The following STK16 variants were observed in gnomAD, a reference collection of about 807,000 sequenced individuals.
STK16 encodes serine/threonine kinase 16.
STK16 carries 28 observed loss-of-function variants against 37.8 expected under a neutral mutation model. The observed-to-expected ratio is 0.74, with a 90% CI of 0.55 to 1.02. The LOEUF (loss-of-function observed/expected upper bound fraction) is 1.02, where lower values mean the gene tolerates loss of function less well. Among genes scored for constraint, STK16 ranks in the 50% least tolerant of loss-of-function variants. The probability of loss-of-function intolerance (pLI) is 0.00; values close to 1 mark genes in which losing one functional copy is unlikely to be tolerated. For synonymous variants in STK16, 134 were observed against 155.0 expected, an observed-to-expected ratio of 0.86 and a Z score of 1.01; for missense variants, 349 against 390.6, an observed-to-expected ratio of 0.89 and a Z score of 0.90.
Position 219,246,620 on chromosome 2 carries a change from A to G in STK16, c.87-37A>G. 2.6e-6 allele frequency: 4 copies of G among 1,560,886 alleles called. No individual in the cohort carries two copies. The highest frequency in any genetic ancestry group is 3.5e-6 in the Non-Finnish European group (4 of 1,132,134). ...TCTCTAGGTCCAAGCCATGTGGGAG[A>G]TGACCATGGCCCTTTATTGACCCCT... is the stretch of plus-strand genomic sequence containing the variant. On this transcript the variant is annotated intron_variant, in intron 2 of 7. Transcript: ENST00000396738. The surrounding 1 kb of genome is among the most constrained non-coding windows in gnomAD (Gnocchi z 4.5).
In STK16 at chr2:219,248,195, C is replaced by T. The variant is rs373943605; in HGVS notation, c.660C>T (p.Ser220=). 1 of 1,613,982 alleles carries T rather than the reference C, an allele frequency of 6.2e-7. No homozygotes were observed. Among genetic ancestry groups the T allele is most frequent in the Non-Finnish European group, 8.5e-7 (1 of 1,180,012 alleles). The change falls in exon 7 of 8, where the codon TCC becomes TCT. Residue 220 remains serine, a splice_region_variant and synonymous_variant. Coordinates refer to ENST00000396738, the MANE Select transcript of STK16 (RefSeq NM_001330213.2). ...GGGACTAATCAAGTTATGCTCAGTC[C>T]CTAGGCTGCGTGCTATATGCCATGA... ...CVIDERTDVW[S]LGCVLYAMMF... is the part of the protein sequence containing the mutation.
At position 219,246,375 on chromosome 2, in the gene STK16, C is replaced by T. The variant is rs765234397; in HGVS notation, c.87-282C>T. On this transcript the variant is annotated intron_variant, in intron 2 of 7. Coordinates refer to ENST00000396738, the MANE Select transcript of STK16 (RefSeq NM_001330213.2). This position sits in a 1 kb window ranked among gnomAD's most constrained non-coding sequence, Gnocchi z 4.5. ...GAGATAATGTGTATAAAATGTCTCA[C>T]CCAATGCGGGGTTGACAAGTACTTG... is the stretch of plus-strand genomic sequence containing the variant. The T allele has an allele frequency of 6.6e-6, 4 of 609,220 alleles. No individual in the cohort carries two copies. The highest frequency in any genetic ancestry group is 1.2e-5 in the Non-Finnish European group (4 of 334,220). 37.7% of individuals were successfully genotyped at this position (609,220 alleles called of 1,614,324 possible). A position where few individuals can be genotyped will look rare whatever the true frequency, so the allele number is the denominator to read the frequency against.
In STK16 at chr2:219,250,278, A is replaced by G; in HGVS notation, c.*1719A>G. On this transcript the variant is annotated 3_prime_UTR_variant, in exon 8 of 8. Transcript: ENST00000396738. This position sits in a 1 kb window ranked among gnomAD's most constrained non-coding sequence, Gnocchi z 8.4. Reference sequence around the variant, plus strand: ...AGCTCAAGCACTCAGAGGGAACAAGAAACCGTGCAAGGAAACTGTTTATTT... The same window carrying G: ...AGCTCAAGCACTCAGAGGGAACAAGGAACCGTGCAAGGAAACTGTTTATTT... The G allele has an allele frequency of 6.5e-7, 1 of 1,539,622 alleles. No individual in the cohort carries two copies. The highest frequency in any genetic ancestry group is 1.3e-5 in the South Asian group (1 of 78,536).
At position 219,249,260 on chromosome 2, in the gene STK16, A is replaced by T. The variant is rs1951603671; in HGVS notation, c.*701A>T. The stretch of plus-strand genomic sequence containing the variant: ...GAGACACCTGAGGAAGCTTTGAGAC[A>T]GGTAGATTACAGGTCTCCCATCCTC... On this transcript the variant is annotated 3_prime_UTR_variant, in exon 8 of 8. Coordinates refer to ENST00000396738, the MANE Select transcript of STK16 (RefSeq NM_001330213.2). 1 of 152,280 alleles carries T rather than the reference A, an allele frequency of 6.6e-6. No homozygotes were observed. The highest frequency in any genetic ancestry group is 2.1e-4 in the South Asian group (1 of 4,834). The allele number at this position is 152,280 out of a possible 1,614,324, so 9.4% of individuals were successfully genotyped here.
In STK16 at chr2:219,250,237, AG is replaced by A. The variant is rs1394210846; in HGVS notation, c.*1682del. ...AGCAAACAGAGCAGCAGCAGCATGA[AG>A]GGGAAGGCAGCAGAAGCTCAAGCAC... On this transcript the variant is annotated 3_prime_UTR_variant, in exon 8 of 8. Coordinates refer to ENST00000396738, the MANE Select transcript of STK16 (RefSeq NM_001330213.2). The surrounding 1 kb of genome is among the most constrained non-coding windows in gnomAD (Gnocchi z 8.4). 6 of 1,411,246 alleles carry A rather than the reference AG, an allele frequency of 4.3e-6. No homozygotes were observed. The highest frequency in any genetic ancestry group is 5.8e-6 in the Non-Finnish European group (6 of 1,035,318). The allele number at this position is 1,411,246 out of a possible 1,614,324, so 87.4% of individuals were successfully genotyped here. A position where few individuals can be genotyped will look rare whatever the true frequency, so the allele number is the denominator to read the frequency against.
At position 219,248,324 on chromosome 2, in the gene STK16, C is replaced by T; in HGVS notation, c.779+10C>T. 1.2e-6 allele frequency: 2 copies of T among 1,614,028 alleles called. No individual in the cohort carries two copies. The highest frequency in any genetic ancestry group is 1.7e-6 in the Non-Finnish European group (2 of 1,179,958). ...TCCCACAAAGCCCCAGGTGAGTGAG[C>T]AACGAATAGGGCATCAAGTGTTTCA... On this transcript the variant is annotated intron_variant, in intron 7 of 7. Transcript: ENST00000396738.
intron 6 of STK16, 174 bp from the exon 7 acceptor site, chr2:219,248,019 C>A: frequency 1.0e-6 from 1 of 999,924 alleles, no homozygotes; most frequent in Non-Finnish European, 1.5e-6. Context: ...CTAAGCTAAA[C>A]AGGGGCTGCG....
chr2:219,246,034 C>T lies in STK16; in HGVS notation c.35C>T (p.Thr12Ile). The change falls in exon 2 of 8, where the codon ACT becomes ATT. Residue 12 changes from threonine (T) to isoleucine (I), a missense_variant. By Grantham distance (89) the Thr-to-Ile change is moderately conservative. Coordinates refer to ENST00000396738, the MANE Select transcript of STK16 (RefSeq NM_001330213.2). The surrounding 1 kb of genome is among the most constrained non-coding windows in gnomAD (Gnocchi z 4.5). The part of the protein sequence containing the change: ...GHALCVCSRG[T>I]VIIDNKRYLF... ...GCGCTGTGTGTCTGCTCTCGGGGAA[C>T]TGTCATCATTGACAATAAGCGCTAC... 1 of 1,614,062 alleles carries T rather than the reference C, an allele frequency of 6.2e-7. No homozygotes were observed.
In STK16 at chr2:219,248,517, G is replaced by A. The variant is rs779426977; in HGVS notation, c.876G>A (p.Ala292=). ...CTCTCCTCCTCAGTCAGCTGGAGGC[G>A]CTTCAGCCCCCAGCTCCTGGCCAAC... ...HIPLLLSQLE[A]LQPPAPGQHT... is the part of the protein sequence containing the mutation. Residue 292 remains alanine, a synonymous_variant, in exon 8 of 8, where the codon GCG becomes GCA. Coordinates refer to ENST00000396738, the MANE Select transcript of STK16 (RefSeq NM_001330213.2). The A allele has an allele frequency of 9.3e-6, 15 of 1,613,882 alleles. No homozygotes were observed. In the East Asian group the frequency reaches 1.3e-4, roughly 14 times the overall value.
rs957818620 is a variant in STK16 at position 219,246,356 on chromosome 2, A to T, written c.86+271A>T. On this transcript the variant is annotated intron_variant, in intron 2 of 7. Transcript: ENST00000396738. This position sits in a 1 kb window ranked among gnomAD's most constrained non-coding sequence, Gnocchi z 4.5. ...GGAGTTGTGAGGATTAAATGAGATAATGTGTATAAAATGTCTCACCCAATG... is the reference window on the plus strand; with the variant it reads ...GGAGTTGTGAGGATTAAATGAGATATTGTGTATAAAATGTCTCACCCAATG... 6 of 606,804 alleles carry T rather than the reference A, an allele frequency of 9.9e-6. No individual in the cohort carries two copies. Among genetic ancestry groups the T allele is most frequent in the African/African-American group, 9.3e-5 (5 of 53,806 alleles). The allele number at this position is 606,804 out of a possible 1,614,324, so 37.6% of individuals were successfully genotyped here.
intron 3 of STK16, 101 bp from the exon 4 acceptor site, chr2:219,247,012 T>A: frequency 6.4e-7 from 1 of 1,562,708 alleles, no homozygotes; most frequent in South Asian, 1.2e-5. Context: ...TTGAGGTGTG[T>A]ATCATGAAAG....
In STK16 at chr2:219,248,666, T is replaced by C. The variant is rs1249990347; in HGVS notation, c.*107T>C. The C allele has an allele frequency of 1.4e-6, 2 of 1,414,756 alleles. No homozygotes were observed. The highest frequency in any genetic ancestry group is 1.9e-6 in the Non-Finnish European group (2 of 1,043,648). 87.6% of individuals were successfully genotyped at this position (1,414,756 alleles called of 1,614,324 possible). A position where few individuals can be genotyped will look rare whatever the true frequency, so the allele number is the denominator to read the frequency against. On this transcript the variant is annotated 3_prime_UTR_variant, in exon 8 of 8. Coordinates refer to ENST00000396738, the MANE Select transcript of STK16 (RefSeq NM_001330213.2). ...CCAGGACTTCTCTTACACTTGGGGG[T>C]AGCGGGGTCAGGACAATCATCTCAG... is the stretch of plus-strand genomic sequence containing the variant.
At position 219,247,181 on chromosome 2, in the gene STK16, C is replaced by T. The variant is rs2125065775; in HGVS notation, c.375C>T (p.Ile125=). 1.2e-6 allele frequency: 2 copies of T among 1,614,238 alleles called. No individual in the cohort carries two copies. The highest frequency in any genetic ancestry group is 1.6e-4 in the Middle Eastern group (1 of 6,062). ...DKGNFLTEDQ[I]LWLLLGICRG... is the part of the protein sequence containing the mutation. ...GCAACTTCCTGACCGAGGATCAAATCCTTTGGCTGCTGCTGGGGATCTGCA... is the reference window on the plus strand; with the variant it reads ...GCAACTTCCTGACCGAGGATCAAATTCTTTGGCTGCTGCTGGGGATCTGCA... Residue 125 remains isoleucine (I), a synonymous_variant, in exon 4 of 8, where the codon ATC becomes ATT. Transcript: ENST00000396738.
rs760091706 is a variant in STK16 at position 219,246,086 on chromosome 2, G to A, written c.86+1G>A. The stretch of plus-strand genomic sequence containing the variant: ...TCTTCATCCAGAAACTGGGGGAGGG[G>A]TGAGTGTTTGGAAGTCAGTTAACTA... On this transcript the variant is annotated splice_donor_variant, in intron 2 of 7. Coordinates refer to ENST00000396738, the MANE Select transcript of STK16 (RefSeq NM_001330213.2). LOFTEE classifies it high-confidence loss of function. This position sits in a 1 kb window ranked among gnomAD's most constrained non-coding sequence, Gnocchi z 4.5. The A allele has an allele frequency of 1.2e-6, 2 of 1,613,636 alleles. No homozygotes were observed. The highest frequency in any genetic ancestry group is 1.7e-6 in the Non-Finnish European group (2 of 1,179,738).
At chr2:219,247,089 A>G in intron 3 of STK16, 24 bp from the exon 4 acceptor site, 2 of 1,614,036 alleles carry the variant, frequency 1.2e-6, no homozygotes, top group South Asian at 1.1e-5. Context: ...AACATCTCCA[A>G]CTGTAGGGAA....
chr2:219,248,380 G>A (rs1309434008), intron 7 of STK16, 41 bp from the exon 8 acceptor site: 5 of 1,612,674 alleles, frequency 3.1e-6, no homozygotes, highest in Non-Finnish European at 3.4e-6. Context: ...TGAGTTGACA[G>A]ATAGGTGTCA....
At position 219,248,417 on chromosome 2, in the gene STK16, A is replaced by G. The variant is rs1427467420; in HGVS notation, c.780-4A>G. On this transcript the variant is annotated splice_region_variant and splice_polypyrimidine_tract_variant and intron_variant, in intron 7 of 7. Coordinates refer to ENST00000396738, the MANE Select transcript of STK16 (RefSeq NM_001330213.2). The stretch of plus-strand genomic sequence containing the variant: ...CCGGTCACCCTGGGCTCCTCCCTCC[A>G]CAGGCATTCTTCAGCATTGCGGCAG... 6 of 1,613,696 alleles carry G rather than the reference A, an allele frequency of 3.7e-6. No individual in the cohort carries two copies. Among genetic ancestry groups the G allele is most frequent in the Non-Finnish European group, 5.1e-6 (6 of 1,179,712 alleles).
At chr2:219,248,156 C>T (rs540006898) in intron 6 of STK16, 37 bp from the exon 7 acceptor site, 1 of 1,612,174 alleles carries the variant, frequency 6.2e-7, no homozygotes, top group East Asian at 2.2e-5. Flanking sequence ...GTCACCTCCA[C>T]TGGTCCCCTT....
At position 219,247,106 on chromosome 2, in the gene STK16, G is replaced by A. The variant is rs545891341; in HGVS notation, c.307-7G>A. 9.9e-6 allele frequency: 16 copies of A among 1,614,062 alleles called. No homozygotes were observed. The highest frequency in any genetic ancestry group is 1.3e-5 in the Non-Finnish European group (15 of 1,180,024). On this transcript the variant is annotated splice_polypyrimidine_tract_variant and splice_region_variant and intron_variant, in intron 3 of 7. Coordinates refer to ENST00000396738, the MANE Select transcript of STK16 (RefSeq NM_001330213.2). ...CATCTCCAACTGTAGGGAAACTTGTGTTGCAGAGAGGTACGCTGTGGAATG... is the reference window on the plus strand; with the variant it reads ...CATCTCCAACTGTAGGGAAACTTGTATTGCAGAGAGGTACGCTGTGGAATG...
Sources: allele counts gnomAD v4.1 joint callset, GRCh38; gene constraint gnomAD v4.1.1; non-coding constraint Gnocchi (gnomAD v3.1); transcripts MANE v1.5; gene names NCBI Gene and HGNC (gene_info 2026-07-23, HGNC 2026-07-21).